SAMMSON: variants seen among roughly 807,000 people sequenced by gnomAD.
SAMMSON encodes the protein survival associated mitochondrial melanoma specific oncogenic non-coding RNA.
intron 8 of SAMMSON, among the ~76,000 whole-genome samples, chr3:70,355,124 A>G (rs1308545184): frequency 6.6e-6 from 1 of 152,150 alleles, no homozygotes; most frequent in East Asian, 1.9e-4. Context: ...CGGGTAGGAG[A>G]CTTCAGGTCT....
chr3:70,157,522 A>C (rs1054159079), intron 4 of SAMMSON, among the ~76,000 whole-genome samples: 1 of 152,136 alleles, frequency 6.6e-6, no homozygotes, highest in Non-Finnish European at 1.5e-5. Context: ...AATGCTTAGA[A>C]GGAGCTTGAA....
At chr3:70,021,687 C>A (rs571193859) in intron 3 of SAMMSON, among the ~76,000 whole-genome samples, 5 of 151,954 alleles carry the variant, frequency 3.3e-5, no homozygotes, top group Non-Finnish European at 5.9e-5. Flanking sequence ...GGGAAAAAAA[C>A]CCATCATCAT....
intron 7 of SAMMSON, among the ~76,000 whole-genome samples, chr3:70,334,593 C>T (rs1205865834): frequency 6.6e-6 from 1 of 152,000 alleles, no homozygotes; most frequent in East Asian, 1.9e-4. Context: ...ATAAGTGCTT[C>T]CCTTTATTGA....
intron 4 of SAMMSON, among the ~76,000 whole-genome samples, chr3:70,193,542 A>G (rs781522195): frequency 6.6e-6 from 1 of 152,110 alleles, no homozygotes; most frequent in Non-Finnish European, 1.5e-5. Context: ...GTTGATTATC[A>G]CTGGAAATTT....
intron 2 of SAMMSON, among the ~76,000 whole-genome samples, chr3:70,416,968 T>C (rs1701269411): frequency 6.6e-6 from 1 of 152,196 alleles, no homozygotes; most frequent in East Asian, 1.9e-4. Context: ...GAAAAACATC[T>C]GGCATAGACT....
intron 6 of SAMMSON, among the ~76,000 whole-genome samples, chr3:70,288,673 A>T (rs975089690): frequency 6.6e-6 from 1 of 151,816 alleles, no homozygotes. Context: ...AAAGTCTCCC[A>T]TTATTAATGT....
At chr3:70,031,697 A>G (rs142269491) in intron 3 of SAMMSON, among the ~76,000 whole-genome samples, 1 of 152,254 alleles carries the variant, frequency 6.6e-6, no homozygotes, top group Non-Finnish European at 1.5e-5. Context: ...AAAAATCCTT[A>G]TTTTAGGTGT....
At chr3:70,186,649 G>A (rs564308358) in intron 4 of SAMMSON, among the ~76,000 whole-genome samples, 1 of 152,238 alleles carries the variant, frequency 6.6e-6, no homozygotes, top group East Asian at 1.9e-4. Context: ...ATTGAGGGGT[G>A]GTTAGGAGGA....
At chr3:70,104,820 C>T (rs755125373) in intron 4 of SAMMSON, among the ~76,000 whole-genome samples, 25 of 152,100 alleles carry the variant, frequency 1.6e-4, no homozygotes, top group African/African-American at 5.6e-4. Flanking sequence ...TCCAGGCCTT[C>T]GTTTTTCACA....
chr3:70,013,353 C>A (rs563730697), intron 2 of SAMMSON, among the ~76,000 whole-genome samples: 13 of 152,212 alleles, frequency 8.5e-5, no homozygotes, highest in African/African-American at 2.9e-4. Context: ...TAAAATCATA[C>A]ATATAAAGCA....
chr3:70,209,030 A>C (rs1325378247), intron 4 of SAMMSON, among the ~76,000 whole-genome samples: 2 of 152,068 alleles, frequency 1.3e-5, no homozygotes, highest in Non-Finnish European at 2.9e-5. Context: ...CTCTAACCCA[A>C]GAGGGATTCA....
At chr3:70,334,633 A>G (rs1702648481) in intron 7 of SAMMSON, among the ~76,000 whole-genome samples, 1 of 152,064 alleles carries the variant, frequency 6.6e-6, no homozygotes, top group African/African-American at 2.4e-5. Flanking sequence ...GCACTGTGCT[A>G]GGCTCTATGC....
chr3:70,301,231 C>G (rs962483862), intron 7 of SAMMSON, among the ~76,000 whole-genome samples: 1 of 152,012 alleles, frequency 6.6e-6, no homozygotes, highest in Non-Finnish European at 1.5e-5. Flanking sequence ...TTAGCCCAAA[C>G]CTACTGAGTC....
chr3:70,055,874 G>T (rs2067165059), intron 3 of SAMMSON, among the ~76,000 whole-genome samples: 1 of 151,910 alleles, frequency 6.6e-6, no homozygotes, highest in Admixed American at 6.6e-5. Context: ...TGCCATCTTA[G>T]TGCCTAGCCA....
chr3:70,051,554 T>A (rs1345713518), intron 3 of SAMMSON, among the ~76,000 whole-genome samples: 1 of 150,700 alleles, frequency 6.6e-6, no homozygotes, highest in African/African-American at 2.4e-5. Context: ...GTTAAAAGGG[T>A]TGTTTAGCGT....
intron 7 of SAMMSON, among the ~76,000 whole-genome samples, chr3:70,298,187 G>T (rs1313326782): frequency 3.9e-5 from 6 of 152,052 alleles, no homozygotes; most frequent in Admixed American, 3.9e-4. Context: ...GCAGGTTTTT[G>T]ATCTGTTTAT....
intron 4 of SAMMSON, among the ~76,000 whole-genome samples, chr3:70,209,929 T>C (rs796886739): frequency 6.6e-6 from 1 of 152,008 alleles, no homozygotes; most frequent in Non-Finnish European, 1.5e-5. Flanking sequence ...TCCCATACAT[T>C]AGAGAGTAGC....
chr3:70,315,912 T>C (rs1443487105), intron 7 of SAMMSON, among the ~76,000 whole-genome samples: 1 of 152,090 alleles, frequency 6.6e-6, no homozygotes, highest in East Asian at 1.9e-4. Flanking sequence ...ACAAAGAGTG[T>C]TCATTGAGCC....
Position 70,302,872 on chromosome 3 carries a change from GA to G in SAMMSON, n.739+11632del, listed in dbSNP as rs1702364339. Among the ~76,000 whole-genome samples the G allele has an allele frequency of 2.0e-5, 3 of 152,216 alleles. No homozygotes were observed. The South Asian group carries it at 6.2e-4, about 32-fold the overall frequency. On this transcript the variant is annotated intron_variant and non_coding_transcript_variant, in intron 7 of 9. Transcript: ENST00000642114. Reference sequence around the variant, plus strand: ...TGGGATCAATCTCATCATTTTATATGAAATGAACTTAGTACTTCATAGGCTT... The same window carrying G: ...TGGGATCAATCTCATCATTTTATATGAATGAACTTAGTACTTCATAGGCTT...
Sources: allele counts gnomAD v4.1 joint callset (sites outside exome capture counted in the v4.1 genomes callset), GRCh38; gene constraint gnomAD v4.1.1; transcripts MANE v1.5; gene names NCBI Gene and HGNC (gene_info 2026-07-23, HGNC 2026-07-21).